ZNF222: variants seen among roughly 807,000 people sequenced by gnomAD.
The protein encoded by ZNF222 is zinc finger protein 222.
ZNF222 carries 8 observed loss-of-function variants against 11.6 expected under a neutral mutation model. That is an observed-to-expected ratio of 0.69 (90% confidence interval 0.41 to 1.25). ZNF222 has a LOEUF of 1.25. Ranked by LOEUF, ZNF222 falls within the 50% of genes most tolerant of loss-of-function variation. The pLI is 0.01. For missense variants in ZNF222, 483 were observed against 576.1 expected (o/e 0.84, Z 1.65); for synonymous variants, 171 against 195.6 (o/e 0.87, Z 1.05).
Position 44,026,191 on chromosome 19 carries a change from A to T in ZNF222, c.42+713A>T, listed in dbSNP as rs187189872. ...GGGTGTCGATAATGATTAAGCCTTAATTGGTAACTTTATTCCAAGTACTTT... is the reference window on the plus strand; with the variant it reads ...GGGTGTCGATAATGATTAAGCCTTATTTGGTAACTTTATTCCAAGTACTTT... On this transcript the variant is annotated intron_variant, in intron 1 of 3. Transcript: ENST00000391960. 8.5e-6 allele frequency: 10 copies of T among 1,171,752 alleles called. No individual in the cohort carries two copies. The Admixed American group carries it at 1.9e-4, about 23-fold the overall frequency. 72.6% of individuals were successfully genotyped at this position (1,171,752 alleles called of 1,614,324 possible).
At position 44,032,331 on chromosome 19, in the gene ZNF222, T is replaced by C. The variant is rs1976523260; in HGVS notation, c.777T>C (p.His259=). The C allele has an allele frequency of 6.2e-7, 1 of 1,614,104 alleles. No individual in the cohort carries two copies. The highest frequency in any genetic ancestry group is 8.5e-7 in the Non-Finnish European group (1 of 1,180,014). Residue 259 remains histidine (H), a synonymous_variant, in exon 4 of 4, where the codon CAT becomes CAC. Transcript: ENST00000391960. ...GATGTAGATCAGCACTTAAAGTTCATTGCAAATTACACATGAGAGAGAAAC... is the reference window on the plus strand; with the variant it reads ...GATGTAGATCAGCACTTAAAGTTCACTGCAAATTACACATGAGAGAGAAAC... The part of the protein sequence containing the change: ...GFRCRSALKV[H]CKLHMREKPY...
chr19:44,032,700 A>G lies in ZNF222; in HGVS notation c.1146A>G (p.Lys382=), dbSNP rs1976533797. The change falls in exon 4 of 4, where the codon AAA becomes AAG. Residue 382 remains lysine (K), a synonymous_variant. Coordinates refer to ENST00000391960, the MANE Select transcript of ZNF222 (RefSeq NM_001129996.2). ...TCCACACTGGAGAAAAGCCATACAA[A>G]TGTGAGGAGTGTGGGAAGGGCTACA... ...QRVHTGEKPY[K]CEECGKGYIS... 2 of 1,614,194 alleles carry G rather than the reference A, an allele frequency of 1.2e-6. No individual in the cohort carries two copies. The highest frequency in any genetic ancestry group is 1.3e-5 in the African/African-American group (1 of 75,048).
chr19:44,032,094 A>G lies in ZNF222; in HGVS notation c.540A>G (p.Ser180=). 6.2e-7 allele frequency: 1 copy of G among 1,614,242 alleles called. No individual in the cohort carries two copies. The highest frequency in any genetic ancestry group is 8.5e-7 in the Non-Finnish European group (1 of 1,180,044). Residue 180 remains serine, a synonymous_variant, in exon 4 of 4, where the codon TCA becomes TCG. Coordinates refer to ENST00000391960, the MANE Select transcript of ZNF222 (RefSeq NM_001129996.2). ...SFFDLPQQLY[S]GEKSHTCDEC... is the part of the protein sequence containing the mutation. ...TTGATCTTCCTCAGCAGTTATATTC[A>G]GGAGAGAAGTCTCATACCTGTGATG...
chr19:44,032,765 C>G lies in ZNF222; in HGVS notation c.1211C>G (p.Thr404Arg), dbSNP rs774744636. 3.1e-6 allele frequency: 5 copies of G among 1,613,956 alleles called. No individual in the cohort carries two copies. Among genetic ancestry groups the G allele is most frequent in the African/African-American group, 1.3e-5 (1 of 74,884 alleles). Residue 404 changes from threonine to arginine, a missense_variant, in exon 4 of 4, where the codon ACG becomes AGG. Coordinates refer to ENST00000391960, the MANE Select transcript of ZNF222 (RefSeq NM_001129996.2). ...CTTGACTTCCACCATAGAACCCACA[C>G]GGGAGAGAGATCTTATAACTGTGAT... ...SGLDFHHRTH[T>R]GERSYNCDNC...
In ZNF222 at chr19:44,032,813, A is replaced by G. The variant is rs950894137; in HGVS notation, c.1259A>G (p.His420Arg). ...GATAACTGCGGGAAGAGCTTTAGAC[A>G]TGCTTCTAGTATTTTGAATCATAAG... Reference protein sequence around the residue: ...NCDNCGKSFRHASSILNHKKL... With the variant: ...NCDNCGKSFRRASSILNHKKL... Residue 420 changes from histidine to arginine, a missense_variant, in exon 4 of 4, where the codon CAT becomes CGT. By Grantham distance (29) the His-to-Arg change is conservative. Coordinates refer to ENST00000391960, the MANE Select transcript of ZNF222 (RefSeq NM_001129996.2). The G allele has an allele frequency of 6.2e-6, 10 of 1,613,748 alleles. No homozygotes were observed. The African/African-American group carries it at 9.3e-5, about 15-fold the overall frequency.
intron 3 of ZNF222, chr19:44,031,102 A>C (rs1976493391): frequency 6.6e-6 from 1 of 152,230 alleles, no homozygotes. Flanking sequence ...CAAACTGTTT[A>C]TTCGTTATTG....
chr19:44,027,407 C>A lies in ZNF222; in HGVS notation c.179C>A (p.Pro60Gln). ...FRNLLSVGHQ[P>Q]FHGDTFHFLR... The stretch of plus-strand genomic sequence containing the variant: ...CTTTGCCTGTTCACAGGGCATCAAC[C>A]ATTCCATGGAGATACTTTCCACTTC... Residue 60 changes from proline to glutamine, a missense_variant, in exon 3 of 4, where the codon CCA (proline) becomes CAA (glutamine). Pro to Gln is a moderately conservative substitution (Grantham distance 76, BLOSUM62 -1). Coordinates refer to ENST00000391960, the MANE Select transcript of ZNF222 (RefSeq NM_001129996.2). 1.2e-6 allele frequency: 2 copies of A among 1,614,104 alleles called. No individual in the cohort carries two copies. The highest frequency in any genetic ancestry group is 1.7e-6 in the Non-Finnish European group (2 of 1,180,002).
intron 1 of ZNF222, 100 bp from the exon 2 acceptor site, chr19:44,026,923 C>T: frequency 2.6e-6 from 4 of 1,549,830 alleles, no homozygotes; most frequent in African/African-American, 2.7e-5. Flanking sequence ...CTCTCAAGAT[C>T]CAAAACAACT....
intron 3 of ZNF222, among the ~76,000 whole-genome samples, chr19:44,030,214 C>T (rs550850071): frequency 3.3e-5 from 5 of 152,202 alleles, no homozygotes; most frequent in Non-Finnish European, 2.9e-5. Context: ...CTACAGTTGT[C>T]TGTCCCTGTA....
rs1476266224 is a variant in ZNF222 at position 44,025,954 on chromosome 19, T to C, written c.42+476T>C. 2.0e-6 allele frequency: 3 copies of C among 1,472,730 alleles called. No individual in the cohort carries two copies. In the East Asian group the frequency reaches 6.9e-5, roughly 34 times the overall value. 91.2% of individuals were successfully genotyped at this position (1,472,730 alleles called of 1,614,324 possible). On this transcript the variant is annotated intron_variant, in intron 1 of 3. Coordinates refer to ENST00000391960, the MANE Select transcript of ZNF222 (RefSeq NM_001129996.2). This position sits in a 1 kb window ranked among gnomAD's most constrained non-coding sequence, Gnocchi z 4.6. ...GCCTTCTGACCTCTTTTTAGGAAAG[T>C]GAGGGGAGCATTTAACTTTTATGGG...
chr19:44,028,511 G>A (rs1336819804), intron 3 of ZNF222: 1 of 348,884 alleles, frequency 2.9e-6, no homozygotes, highest in Non-Finnish European at 5.1e-6. Context: ...TTAATATCAT[G>A]GGAGAGGTCG....
chr19:44,026,223 C>A, intron 1 of ZNF222: 2 of 842,272 alleles, frequency 2.4e-6, no homozygotes, highest in Non-Finnish European at 1.9e-6. Context: ...CTTTATACCC[C>A]AAAATACATG....
rs1056936252 is a variant in ZNF222 at position 44,025,992 on chromosome 19, G to A, written c.42+514G>A. 5.0e-6 allele frequency: 8 copies of A among 1,594,882 alleles called. No homozygotes were observed. The Admixed American group carries it at 5.4e-5, about 11-fold the overall frequency. On this transcript the variant is annotated intron_variant, in intron 1 of 3. Transcript: ENST00000391960. The surrounding 1 kb of genome is among the most constrained non-coding windows in gnomAD (Gnocchi z 4.6). ...TAACTTTTATGGGGGACGGCAAAAC[G>A]GTCAGGGTGTTTCACAGCTTTCTTT...
chr19:44,027,267 C>CAAAAT, intron 2 of ZNF222, 118 bp downstream of exon 2: 2 of 1,582,594 alleles, frequency 1.3e-6, no homozygotes, highest in Non-Finnish European at 1.7e-6. Flanking sequence ...TTTTGCCTGG[C>CAAAAT]TATTAGGTTG....
intron 1 of ZNF222, chr19:44,026,172 C>A: frequency 7.4e-7 from 1 of 1,350,420 alleles, no homozygotes; most frequent in South Asian, 1.2e-5. Flanking sequence ...GCATGGGTGT[C>A]GATAATGATT....
In ZNF222 at chr19:44,027,302, T is replaced by C. The variant is rs1382221751; in HGVS notation, c.170-96T>C. The C allele has an allele frequency of 5.1e-6, 8 of 1,562,220 alleles. No individual in the cohort carries two copies. In the Admixed American group the frequency reaches 1.2e-4, roughly 24 times the overall value. ...GGTGCAAAAGTAATTGTGGTTTTTGTCATTGGAAGTAATGGTACACTGCAA... is the reference window on the plus strand; with the variant it reads ...GGTGCAAAAGTAATTGTGGTTTTTGCCATTGGAAGTAATGGTACACTGCAA... On this transcript the variant is annotated intron_variant, in intron 2 of 3. Coordinates refer to ENST00000391960, the MANE Select transcript of ZNF222 (RefSeq NM_001129996.2).
chr19:44,027,602 C>A, intron 3 of ZNF222, 112 bp downstream of exon 3: 1 of 1,017,464 alleles, frequency 9.8e-7, no homozygotes. Flanking sequence ...ATTATTACAG[C>A]CTTCTCCCTG....
intron 3 of ZNF222, among the ~76,000 whole-genome samples, chr19:44,031,368 A>G (rs1462671244): frequency 1.3e-5 from 2 of 152,264 alleles, no homozygotes; most frequent in African/African-American, 2.4e-5. Flanking sequence ...ATGAACGTTC[A>G]TTAAAGTTAA....
chr19:44,025,578 C>G lies in ZNF222; in HGVS notation c.42+100C>G, dbSNP rs914488691. 1.2e-5 allele frequency: 16 copies of G among 1,311,836 alleles called. No homozygotes were observed. In the African/African-American group the frequency reaches 2.1e-4, roughly 17 times the overall value. The allele number at this position is 1,311,836 out of a possible 1,614,324, so 81.3% of individuals were successfully genotyped here. A position where few individuals can be genotyped will look rare whatever the true frequency, so the allele number is the denominator to read the frequency against. ...CTCAGGGAGTGGGATTGGCGCGGCC[C>G]GGTGTGCCCTACTTTGACCTCGCTT... On this transcript the variant is annotated intron_variant, in intron 1 of 3. Transcript: ENST00000391960. This position sits in a 1 kb window ranked among gnomAD's most constrained non-coding sequence, Gnocchi z 4.6.
Sources: allele counts gnomAD v4.1 joint callset (sites outside exome capture counted in the v4.1 genomes callset), GRCh38; gene constraint gnomAD v4.1.1; non-coding constraint Gnocchi (gnomAD v3.1); transcripts MANE v1.5; gene names NCBI Gene and HGNC (gene_info 2026-07-23, HGNC 2026-07-21).